Variants in QTMAN observed in about 807,000 individuals in gnomAD.
The protein encoded by QTMAN is queuosine-tRNA mannosyltransferase, also known as tRNA-queuosine alpha-mannosyltransferase.
chr2:144,301,972 G>A, the QTMAN span, among the ~76,000 whole-genome samples: 1 of 152,310 alleles, frequency 6.6e-6, no homozygotes, highest in East Asian at 1.9e-4. Flanking sequence ...TTCATTATCT[G>A]AAGGACTATC....
At chr2:143,993,422 G>C in the QTMAN span, among the ~76,000 whole-genome samples, 11 of 152,070 alleles carry the variant, frequency 7.2e-5, no homozygotes, top group Admixed American at 6.5e-4. Flanking sequence ...AAAAGGGGGG[G>C]GGACTTTGCA....
chr2:144,302,130 T>C, the QTMAN span, among the ~76,000 whole-genome samples: 2 of 152,078 alleles, frequency 1.3e-5, no homozygotes, highest in Non-Finnish European at 2.9e-5. Context: ...ATGGCACTCA[T>C]CTCCACACTT....
At chr2:144,093,614 T>C in the QTMAN span, among the ~76,000 whole-genome samples, 1 of 152,214 alleles carries the variant, frequency 6.6e-6, no homozygotes, top group South Asian at 2.1e-4. Flanking sequence ...ATTCTCAAAA[T>C]TAAATATACT....
the QTMAN span, among the ~76,000 whole-genome samples, chr2:144,088,703 A>C: frequency 6.6e-6 from 1 of 152,216 alleles, no homozygotes; most frequent in South Asian, 2.1e-4. Flanking sequence ...CAAAGCTGAC[A>C]AGAACTTACA....
chr2:144,267,339 A>G, the QTMAN span, among the ~76,000 whole-genome samples: 4,074 of 152,334 alleles, frequency 0.027, 173 homozygotes, highest in African/African-American at 0.093. Context: ...TTACAGGAAG[A>G]AGAGTAGGCA....
the QTMAN span, among the ~76,000 whole-genome samples, chr2:144,068,575 T>TA: frequency 6.6e-6 from 1 of 152,240 alleles, no homozygotes; most frequent in Non-Finnish European, 1.5e-5. Context: ...GCAAATGTGG[T>TA]AAATCAAGGT....
At chr2:144,309,690 T>C in the QTMAN span, among the ~76,000 whole-genome samples, 1 of 152,202 alleles carries the variant, frequency 6.6e-6, no homozygotes, top group Non-Finnish European at 1.5e-5. Flanking sequence ...GTTACATCAA[T>C]GTGTAAATCT....
the QTMAN span, among the ~76,000 whole-genome samples, chr2:144,139,955 A>T: frequency 1.3e-5 from 2 of 152,090 alleles, no homozygotes; most frequent in African/African-American, 4.8e-5. Context: ...ACAAGCATTC[A>T]AAAATATTTT....
the QTMAN span, among the ~76,000 whole-genome samples, chr2:143,989,246 T>A: frequency 6.6e-6 from 1 of 151,858 alleles, no homozygotes; most frequent in East Asian, 1.9e-4. Context: ...TAATGTAATA[T>A]AATTTAATAT....
chr2:144,061,480 T>A, the QTMAN span, among the ~76,000 whole-genome samples: 4 of 152,224 alleles, frequency 2.6e-5, no homozygotes, highest in Non-Finnish European at 5.9e-5. Context: ...TACTGTGGCA[T>A]CACTCTGTTG....
At chr2:143,976,521 G>C in the QTMAN span, among the ~76,000 whole-genome samples, 1 of 152,076 alleles carries the variant, frequency 6.6e-6, no homozygotes, top group African/African-American at 2.4e-5. Context: ...CTAGCTGTTA[G>C]AATTACCGAC....
At chr2:144,168,391 T>C in the QTMAN span, among the ~76,000 whole-genome samples, 1 of 152,206 alleles carries the variant, frequency 6.6e-6, no homozygotes, top group East Asian at 1.9e-4. Context: ...CAACACAGAA[T>C]ACTGATACTT....
At chr2:144,133,116 A>AATATATATATATATATAT in the QTMAN span, among the ~76,000 whole-genome samples, 15 of 41,368 alleles carry the variant, frequency 3.6e-4, no homozygotes, top group Non-Finnish European at 5.0e-4. Context: ...AATGACTGGT[A>AATATATATATATATATAT]ATATATATAT....
At chr2:144,147,551 C>T in the QTMAN span, among the ~76,000 whole-genome samples, 7,313 of 151,668 alleles carry the variant, frequency 0.048, 234 homozygotes, top group Non-Finnish European at 0.065. Context: ...CTAGTTATTG[C>T]GTAATCCTCC....
chr2:144,029,833 T>C, the QTMAN span, among the ~76,000 whole-genome samples: 1 of 152,054 alleles, frequency 6.6e-6, no homozygotes, highest in African/African-American at 2.4e-5. Context: ...AGATATTATC[T>C]TCCTAATGTG....
the QTMAN span, among the ~76,000 whole-genome samples, chr2:144,308,531 A>G: frequency 1.3e-5 from 2 of 152,262 alleles, no homozygotes; most frequent in Admixed American, 1.3e-4. Context: ...GATATAGAAG[A>G]GAACAAACCT....
At chr2:144,017,011 C>CTT in the QTMAN span, among the ~76,000 whole-genome samples, 2 of 146,696 alleles carry the variant, frequency 1.4e-5, no homozygotes, top group Non-Finnish European at 1.5e-5. Flanking sequence ...CCAAATGTTA[C>CTT]TTTTTTTTTT....
chr2:144,275,292 G>A, the QTMAN span, among the ~76,000 whole-genome samples: 1 of 151,988 alleles, frequency 6.6e-6, no homozygotes, highest in Non-Finnish European at 1.5e-5. Flanking sequence ...GCTGAGGCAG[G>A]GGAATCGCTT....
chr2:144,093,828 C>T, the QTMAN span, among the ~76,000 whole-genome samples: 5 of 152,188 alleles, frequency 3.3e-5, no homozygotes, highest in African/African-American at 9.6e-5. Context: ...TATCCAGTAC[C>T]CTACCCAGTG....
Sources: gnomAD v4.1 joint callset for allele counts (sites outside exome capture counted in the v4.1 genomes callset) on GRCh38, gnomAD v4.1.1 for gene constraint, MANE v1.5 for transcripts, NCBI Gene and HGNC (gene_info 2026-07-23, HGNC 2026-07-21) for gene names.